The following TNFRSF10A variants were observed in gnomAD, a reference collection of about 807,000 sequenced individuals.
TNFRSF10A encodes the protein tumor necrosis factor receptor superfamily member 10A.
Under a neutral mutation model 42.8 loss-of-function variants are expected in TNFRSF10A, and 44 were observed. The observed-to-expected ratio is 1.03, with a 90% CI of 0.81 to 1.32. The LOEUF is 1.32. Among genes scored for constraint, TNFRSF10A ranks in the 40% most tolerant of loss-of-function variants. TNFRSF10A has a pLI of 0.00. For synonymous variants in TNFRSF10A, 259 were observed against 234.2 expected, an observed-to-expected ratio of 1.11 and a Z score of -0.97; for missense variants, 680 against 602.0, an observed-to-expected ratio of 1.13 and a Z score of -1.36.
rs1341225296 is a variant in TNFRSF10A, at chr8:23,206,221, C to T, written c.404-3460G>A. ...AAAAGTTTATAAAGTAAAATAGTTA[C>T]ACGAAGTTAATATTGAAGGAAGGAA... is the stretch of plus-strand genomic sequence containing the variant. On this transcript the variant is annotated intron_variant, in intron 2 of 9. Transcript: ENST00000221132. 3.9e-5 allele frequency among the ~76,000 whole-genome samples: 6 copies of T among 152,028 alleles called. No individual in the cohort carries two copies. In the East Asian group the frequency reaches 7.7e-4, roughly 20 times the overall value.
intron 2 of TNFRSF10A, among the ~76,000 whole-genome samples, chr8:23,211,649 A>G (rs914705169): frequency 6.6e-6 from 1 of 152,234 alleles, no homozygotes; most frequent in Non-Finnish European, 1.5e-5. Context: ...AAAACTCACT[A>G]CAAGACTGTG....
At chr8:23,200,461 A>G in intron 6 of TNFRSF10A, 44 bp downstream of exon 6, 5 of 1,597,282 alleles carry the variant, frequency 3.1e-6, no homozygotes, top group Non-Finnish European at 4.3e-6. Flanking sequence ...AGAAGAAGGC[A>G]GGGCAGAGAG....
rs1251333568 is a variant in TNFRSF10A at position 23,191,122 on chromosome 8, C to T, written c.*572G>A. On this transcript the variant is annotated 3_prime_UTR_variant, in exon 10 of 10. Transcript: ENST00000221132. ...TGCCAATCCCCTCTGGAAACACCCTCGAAGACATGCCCAGAAATAATGTCC... is the reference window on the plus strand; with the variant it reads ...TGCCAATCCCCTCTGGAAACACCCTTGAAGACATGCCCAGAAATAATGTCC... The T allele has an allele frequency of 6.5e-6, 1 of 153,398 alleles. No homozygotes were observed. Among genetic ancestry groups the T allele is most frequent in the Non-Finnish European group, 1.4e-5 (1 of 69,016 alleles). The allele number at this position is 153,398 out of a possible 1,614,324, so 9.5% of individuals were successfully genotyped here.
chr8:23,208,131 A>T (rs768060218), intron 2 of TNFRSF10A, among the ~76,000 whole-genome samples: 5 of 152,214 alleles, frequency 3.3e-5, no homozygotes, highest in Admixed American at 6.5e-5. Context: ...AATAAAGTCC[A>T]GGCTGAGATG....
rs142863225 is a variant in TNFRSF10A, at chr8:23,199,797, C to G, written c.831+89G>C. Reference sequence around the variant, plus strand: ...CAGAGACTCAGGGCAGCCATGAGAGCACGGGGACCCACCCACCTGGACTAC... The same window carrying G: ...CAGAGACTCAGGGCAGCCATGAGAGGACGGGGACCCACCCACCTGGACTAC... On this transcript the variant is annotated intron_variant, in intron 7 of 9. Coordinates refer to ENST00000221132, the MANE Select transcript of TNFRSF10A (RefSeq NM_003844.4). The G allele has an allele frequency of 3.7e-3, 5,856 of 1,580,636 alleles. 173 individuals carry two copies. In the Admixed American group the frequency reaches 0.06, roughly 16 times the overall value.
intron 2 of TNFRSF10A, chr8:23,207,384 G>C (rs1158487787): frequency 3.6e-6 from 2 of 557,520 alleles, no homozygotes; most frequent in Non-Finnish European, 6.9e-6. Flanking sequence ...AATCCAGCTG[G>C]CTAATTCTAA....
chr8:23,215,246 G>T (rs187519318), intron 1 of TNFRSF10A, among the ~76,000 whole-genome samples: 12 of 152,326 alleles, frequency 7.9e-5, no homozygotes, highest in South Asian at 6.2e-4. Flanking sequence ...GCCGGGCGCC[G>T]TGGCTCACGC....
chr8:23,215,466 C>G (rs978988636), intron 1 of TNFRSF10A, among the ~76,000 whole-genome samples: 9 of 152,194 alleles, frequency 5.9e-5, no homozygotes, highest in African/African-American at 2.2e-4. Flanking sequence ...TGAGATTGCA[C>G]CACTGCACCC....
At chr8:23,202,195 G>C (rs1283765636) in intron 3 of TNFRSF10A, among the ~76,000 whole-genome samples, 8 of 152,134 alleles carry the variant, frequency 5.3e-5, no homozygotes, top group African/African-American at 1.9e-4. Context: ...CAGTAGCAAA[G>C]GAGGCACATG....
At chr8:23,216,056 G>A (rs1372245130) in intron 1 of TNFRSF10A, among the ~76,000 whole-genome samples, 1 of 152,134 alleles carries the variant, frequency 6.6e-6, no homozygotes, top group Non-Finnish European at 1.5e-5. Context: ...GACCTCAGGT[G>A]AATCGCCTGC....
intron 2 of TNFRSF10A, among the ~76,000 whole-genome samples, chr8:23,203,802 G>A (rs1256752660): frequency 6.8e-6 from 1 of 146,186 alleles, no homozygotes; most frequent in East Asian, 2.1e-4. Flanking sequence ...TTTTGAGATG[G>A]AGTCTCGCTC....
chr8:23,213,715 A>AT (rs1380600011), intron 1 of TNFRSF10A, among the ~76,000 whole-genome samples: 1 of 152,052 alleles, frequency 6.6e-6, no homozygotes, highest in Admixed American at 6.5e-5. Flanking sequence ...AAGTGTTGGG[A>AT]TTACAAGCGT....
chr8:23,211,875 C>T (rs975446878), intron 2 of TNFRSF10A, among the ~76,000 whole-genome samples: 1 of 152,136 alleles, frequency 6.6e-6, no homozygotes, highest in Non-Finnish European at 1.5e-5. Flanking sequence ...ACTGAAAATG[C>T]ATCAAGAGTT....
At chr8:23,220,659 C>T (rs1322897273) in intron 1 of TNFRSF10A, among the ~76,000 whole-genome samples, 1 of 152,198 alleles carries the variant, frequency 6.6e-6, no homozygotes, top group Admixed American at 6.5e-5. Flanking sequence ...ATCCCCAGGG[C>T]ACCTGTCCTA....
chr8:23,220,050 A>G (rs1801236447), intron 1 of TNFRSF10A, among the ~76,000 whole-genome samples: 1 of 152,070 alleles, frequency 6.6e-6, no homozygotes, highest in Non-Finnish European at 1.5e-5. Context: ...CCTCCTGGCC[A>G]CAGGCGAGTG....
rs1800952498 is a variant in TNFRSF10A at position 23,202,799 on chromosome 8, C to G, written c.404-38G>C. The G allele has an allele frequency of 3.5e-6, 5 of 1,422,666 alleles. No individual in the cohort carries two copies. In the African/African-American group the frequency reaches 4.2e-5, roughly 12 times the overall value. 88.1% of individuals were successfully genotyped at this position (1,422,666 alleles called of 1,614,324 possible). A position where few individuals can be genotyped will look rare whatever the true frequency, so the allele number is the denominator to read the frequency against. On this transcript the variant is annotated intron_variant, in intron 2 of 9. Coordinates refer to ENST00000221132, the MANE Select transcript of TNFRSF10A (RefSeq NM_003844.4). ...AGAAAAGCCAATGAATGAATTGCCACAGAGTTCCCAGAGGATCGTGGCGGT... is the reference window on the plus strand; with the variant it reads ...AGAAAAGCCAATGAATGAATTGCCAGAGAGTTCCCAGAGGATCGTGGCGGT...
intron 1 of TNFRSF10A, among the ~76,000 whole-genome samples, chr8:23,219,864 G>C (rs1472655188): frequency 1.3e-5 from 2 of 152,208 alleles, no homozygotes; most frequent in African/African-American, 4.8e-5. Context: ...ACTTAACTTT[G>C]AGATTCTCTT....
rs754917977 is a variant in TNFRSF10A at position 23,224,776 on chromosome 8, C to T, written c.286G>A (p.Val96Ile). The T allele has an allele frequency of 1.3e-6, 2 of 1,569,212 alleles. No individual in the cohort carries two copies. The highest frequency in any genetic ancestry group is 2.3e-5 in the South Asian group (2 of 85,560). The change falls in exon 1 of 10, where the codon GTC becomes ATC. Residue 96 changes from valine (V) to isoleucine (I), a missense_variant. Coordinates refer to ENST00000221132, the MANE Select transcript of TNFRSF10A (RefSeq NM_003844.4). Reference sequence around the variant, plus strand: ...CTCACCTGCAGCAGGACCCCGACGACGACAAACTTGAAGGTCTTGTGGACC... The same window carrying T: ...CTCACCTGCAGCAGGACCCCGACGATGACAAACTTGAAGGTCTTGTGGACC... ...LRVHKTFKFV[V>I]VGVLLQVVPS...
At chr8:23,200,055 G>A in intron 6 of TNFRSF10A, 138 bp from the exon 7 acceptor site, 2 of 1,027,224 alleles carry the variant, frequency 1.9e-6, no homozygotes, top group African/African-American at 1.6e-5. Context: ...TCCACATGAG[G>A]CCCTGCTAAC....
Sources: allele counts gnomAD v4.1 joint callset (sites outside exome capture counted in the v4.1 genomes callset), GRCh38; gene constraint gnomAD v4.1.1; transcripts MANE v1.5; gene names NCBI Gene and HGNC (gene_info 2026-07-23, HGNC 2026-07-21).